The following RBFOX1 variants were observed in gnomAD, a reference collection of about 807,000 sequenced individuals.
RBFOX1 encodes RNA binding fox-1 homolog 1.
A neutral mutation model predicts 57.7 loss-of-function variants in RBFOX1; 8 were observed. The observed-to-expected ratio is 0.14, with a 90% CI of 0.08 to 0.25. The LOEUF is 0.25. Among genes scored for constraint, RBFOX1 ranks in the 10% least tolerant of loss-of-function variants. RBFOX1 has a pLI of 1.00. For missense variants in RBFOX1, 611 were observed against 548.5 expected, an observed-to-expected ratio of 1.11 and a Z score of -1.14; for synonymous variants, 326 against 222.4, an observed-to-expected ratio of 1.47 and a Z score of -4.15.
chr16:6,040,986 G>C (rs148636018), intron 1 of RBFOX1, among the ~76,000 whole-genome samples: 1 of 152,172 alleles, frequency 6.6e-6, no homozygotes, highest in Non-Finnish European at 1.5e-5. Context: ...GGTTGCTTCC[G>C]TGTTTTAGCT....
Position 6,651,789 on chromosome 16 carries a change from G to A in RBFOX1, c.-63-2814G>A, listed in dbSNP as rs532274080. 5.3e-5 allele frequency among the ~76,000 whole-genome samples: 8 copies of A among 152,304 alleles called. No individual in the cohort carries two copies. The South Asian group carries it at 1.7e-3, about 32-fold the overall frequency. On this transcript the variant is annotated intron_variant, in intron 2 of 15. Transcript: ENST00000550418. The stretch of plus-strand genomic sequence containing the variant: ...CATAGCAGCATCATTCACAATAGCC[G>A]AAAGGTGGAAACAGCCCAAATATCT...
chr16:6,632,888 C>T, intron 2 of RBFOX1, among the ~76,000 whole-genome samples: 1 of 152,154 alleles, frequency 6.6e-6, no homozygotes, highest in East Asian at 1.9e-4. Flanking sequence ...ACCATTTGAG[C>T]TCTCAGACAG....
chr16:5,640,965 CATGCACACACAT>C (rs2048848737), intron 3 of RBFOX1, among the ~76,000 whole-genome samples: 1 of 151,314 alleles, frequency 6.6e-6, no homozygotes, highest in Non-Finnish European at 1.5e-5. Context: ...TGCATACACA[CATGCACACACAT>C]ACATGCATAT....
At chr16:5,296,549 A>G (rs2063673057) in intron 1 of RBFOX1, among the ~76,000 whole-genome samples, 1 of 149,448 alleles carries the variant, frequency 6.7e-6, no homozygotes, top group Non-Finnish European at 1.5e-5. Flanking sequence ...AGAGGAATTT[A>G]TTTTTTAATT....
intron 3 of RBFOX1, among the ~76,000 whole-genome samples, chr16:5,667,217 T>G (rs2049876331): frequency 6.6e-6 from 1 of 152,222 alleles, no homozygotes; most frequent in South Asian, 2.1e-4. Context: ...TGTATTTTCT[T>G]AGGGTTTATT....
chr16:7,647,233 G>A (rs2063924837), intron 11 of RBFOX1, among the ~76,000 whole-genome samples: 1 of 152,190 alleles, frequency 6.6e-6, no homozygotes, highest in South Asian at 2.1e-4. Context: ...GGGTGGGCTG[G>A]AAATTCTCAT....
In RBFOX1 at chr16:6,387,480, A is replaced by G. The variant is rs7193166; in HGVS notation, c.-64+70423A>G. ...GAAAGGACTTGATTAGGAAAAAAAA[A>G]AAAAAACCTTTTGAAGAGAGAGGTG... is the stretch of plus-strand genomic sequence containing the variant. On this transcript the variant is annotated intron_variant, in intron 2 of 15. Transcript: ENST00000550418. Among the ~76,000 whole-genome samples, 447 of 151,840 alleles carry G rather than the reference A, an allele frequency of 2.9e-3. 1 individual carries two copies. The highest frequency in any genetic ancestry group is 0.01 in the African/African-American group (427 of 41,374).
At chr16:5,700,307 A>C (rs1305482581) in intron 3 of RBFOX1, among the ~76,000 whole-genome samples, 1 of 150,862 alleles carries the variant, frequency 6.6e-6, no homozygotes, top group Non-Finnish European at 1.5e-5. Context: ...TTTTTTTGGC[A>C]AGGGTTAGTG....
At chr16:5,765,179 C>G (rs540228015) in intron 3 of RBFOX1, among the ~76,000 whole-genome samples, 9 of 152,168 alleles carry the variant, frequency 5.9e-5, no homozygotes, top group African/African-American at 1.7e-4. Context: ...AGTAGGTAAA[C>G]TTAAAGAATA....
chr16:5,444,814 C>G (rs1186158654), intron 1 of RBFOX1, among the ~76,000 whole-genome samples: 1 of 152,218 alleles, frequency 6.6e-6, no homozygotes, highest in Non-Finnish European at 1.5e-5. Context: ...TTAGGTTGAA[C>G]TGTATGAAAC....
intron 1 of RBFOX1, among the ~76,000 whole-genome samples, chr16:6,054,530 G>A (rs2095591256): frequency 6.6e-6 from 1 of 152,112 alleles, no homozygotes; most frequent in South Asian, 2.1e-4. Flanking sequence ...TCTCAGGTGA[G>A]ATCTGTCTCC....
chr16:7,451,892 A>C (rs1366786312), intron 4 of RBFOX1, among the ~76,000 whole-genome samples: 1 of 152,180 alleles, frequency 6.6e-6, no homozygotes, highest in Non-Finnish European at 1.5e-5. Flanking sequence ...AAGCTCTGCT[A>C]TAATTGTTGC....
chr16:6,492,225 T>G (rs990324602), intron 2 of RBFOX1, among the ~76,000 whole-genome samples: 2 of 152,214 alleles, frequency 1.3e-5, no homozygotes, highest in Non-Finnish European at 2.9e-5. Context: ...TATATACTGT[T>G]AGAATGTGGA....
chr16:6,132,354 C>G (rs949826886), intron 1 of RBFOX1, among the ~76,000 whole-genome samples: 9 of 152,138 alleles, frequency 5.9e-5, no homozygotes, highest in African/African-American at 1.9e-4. Context: ...TAGAATCATG[C>G]GAATGCATGA....
At chr16:6,213,636 G>A (rs372458521) in intron 1 of RBFOX1, among the ~76,000 whole-genome samples, 1 of 152,196 alleles carries the variant, frequency 6.6e-6, no homozygotes, top group African/African-American at 2.4e-5. Flanking sequence ...GGAGTCATGA[G>A]TCTGTGCTCT....
At chr16:5,456,797 C>T (rs1285222156) in intron 1 of RBFOX1, among the ~76,000 whole-genome samples, 2 of 152,210 alleles carry the variant, frequency 1.3e-5, no homozygotes, top group African/African-American at 4.8e-5. Context: ...GCTTGAATCT[C>T]ATCCCCCTTG....
chr16:5,402,887 AAG>A (rs1179099193), intron 1 of RBFOX1, among the ~76,000 whole-genome samples: 2 of 152,194 alleles, frequency 1.3e-5, no homozygotes, highest in Non-Finnish European at 2.9e-5. Flanking sequence ...ACTAGTAAAC[AAG>A]AGAGATAATT....
intron 4 of RBFOX1, among the ~76,000 whole-genome samples, chr16:7,488,177 C>G (rs913676842): frequency 2.0e-5 from 3 of 152,172 alleles, no homozygotes; most frequent in Non-Finnish European, 4.4e-5. Context: ...GTCCTGCTCA[C>G]ATCTTCATCT....
At chr16:6,018,983 G>T, upstream of RBFOX1, 1 of 691,814 alleles carries the variant, frequency 1.4e-6, no homozygotes. Context: ...CGGCGGCGGC[G>T]CTGGCGAGGG....
Sources: allele counts gnomAD v4.1 joint callset (sites outside exome capture counted in the v4.1 genomes callset), GRCh38; gene constraint gnomAD v4.1.1; transcripts MANE v1.5; gene names NCBI Gene and HGNC (gene_info 2026-07-23, HGNC 2026-07-21).